SLC8A1: variants seen among roughly 807,000 people sequenced by gnomAD.
SLC8A1 encodes solute carrier family 8 member A1, also known as sodium/calcium exchanger 1.
In SLC8A1, 18 loss-of-function variants were observed where a neutral mutation model predicts 68.3. That is an observed-to-expected ratio of 0.26 (90% CI 0.18 to 0.39). SLC8A1 has a LOEUF of 0.39. Ranked by LOEUF, SLC8A1 falls within the 10% of genes least tolerant of loss-of-function variation. SLC8A1 has a pLI of 1.00. For missense variants in SLC8A1, 985 were observed against 1,156.7 expected (o/e 0.85, Z 2.15); for synonymous variants, 475 against 415.5 (o/e 1.14, Z -1.74).
At chr2:40,284,352 TATAG>T (rs35227947) in intron 2 of SLC8A1, among the ~76,000 whole-genome samples, 30,375 of 146,630 alleles carry the variant, frequency 0.21, 3,440 homozygotes, top group East Asian at 0.38. Context: ...TATAAATATA[TATAG>T]ATATATACAT....
chr2:40,213,530 G>A lies in SLC8A1; in HGVS notation c.1809-35675C>T, dbSNP rs550775527. The A allele has an allele frequency of 3.9e-5, 6 of 152,232 alleles. 1 individual carries two copies. In the South Asian group the frequency reaches 1.2e-3, roughly 32 times the overall value. 9.4% of individuals were successfully genotyped at this position (152,232 alleles called of 1,614,324 possible). ...CATGGATGAATGAATAACCGAAAGG[G>A]GCACCAGCAGTAGCAAAGTACTAAG... is the stretch of plus-strand genomic sequence containing the variant. On this transcript the variant is annotated intron_variant, in intron 2 of 7. Transcript: ENST00000406785.
At chr2:40,378,097 A>G (rs939115327) in intron 2 of SLC8A1, among the ~76,000 whole-genome samples, 4 of 152,146 alleles carry the variant, frequency 2.6e-5, no homozygotes, top group Non-Finnish European at 5.9e-5. Context: ...ATCAGTGAAC[A>G]GAACAGATAA....
chr2:40,431,768 A>C (rs981547857), intron 1 of SLC8A1, among the ~76,000 whole-genome samples: 4 of 152,004 alleles, frequency 2.6e-5, no homozygotes, highest in Non-Finnish European at 5.9e-5. Context: ...GCTGAGAGCC[A>C]CCCCACATTC....
chr2:40,480,079 T>A (rs1704535313), intron 1 of SLC8A1, among the ~76,000 whole-genome samples: 1 of 151,454 alleles, frequency 6.6e-6, no homozygotes, highest in Admixed American at 6.6e-5. Flanking sequence ...ACGTTTATTG[T>A]TTTTTTTTAA....
intron 2 of SLC8A1, among the ~76,000 whole-genome samples, chr2:40,392,803 G>C (rs571868668): frequency 1.8e-4 from 27 of 152,164 alleles, no homozygotes; most frequent in Non-Finnish European, 1.9e-4. Context: ...GAGCAAAGGA[G>C]GGCTTTCAGC....
At chr2:40,449,492 A>G (rs1424254151) in intron 1 of SLC8A1, among the ~76,000 whole-genome samples, 1 of 152,208 alleles carries the variant, frequency 6.6e-6, no homozygotes, top group Non-Finnish European at 1.5e-5. Context: ...AGCTTAACAG[A>G]GCAATTAACA....
chr2:40,287,687 G>C lies in SLC8A1; in HGVS notation c.1809-109832C>G, dbSNP rs2068574137. Among the ~76,000 whole-genome samples the C allele has an allele frequency of 2.0e-5, 3 of 150,982 alleles. No homozygotes were observed. In the South Asian group the frequency reaches 6.4e-4, roughly 32 times the overall value. ...CTGGGAGGACAGGGCCATGAAGGCT[G>C]GAGTGAGGAACAGGGGAGGATGAGG... On this transcript the variant is annotated intron_variant, in intron 2 of 7. Coordinates refer to ENST00000406785, the Ensembl canonical transcript of SLC8A1.
chr2:40,417,870 T>TACACACAC (rs70957174), intron 2 of SLC8A1, among the ~76,000 whole-genome samples: 55 of 147,262 alleles, frequency 3.7e-4, no homozygotes, highest in African/African-American at 1.2e-3. Flanking sequence ...CTTGGATGGA[T>TACACACAC]ACACACACAC....
At chr2:40,109,491 G>A (rs114668675) in exon 8 of SLC8A1, 3 of 152,030 alleles carry the variant, frequency 2.0e-5, no homozygotes, top group Non-Finnish European at 4.4e-5. Flanking sequence ...GATCTGTCCC[G>A]CTCATTTACA....
intron 7 of SLC8A1, among the ~76,000 whole-genome samples, chr2:40,138,626 T>C (rs2040974652): frequency 6.6e-6 from 1 of 152,216 alleles, no homozygotes. Context: ...GCCCTGTCAC[T>C]CCTAGATCTT....
At chr2:40,282,105 A>G (rs72939229) in intron 2 of SLC8A1, among the ~76,000 whole-genome samples, 1,711 of 152,254 alleles carry the variant, frequency 0.011, 35 homozygotes, top group African/African-American at 0.039. Context: ...TTCTAATAAC[A>G]AAATAATGAA....
intron 4 of SLC8A1, among the ~76,000 whole-genome samples, chr2:40,171,617 CTAG>C (rs2047509068): frequency 6.6e-6 from 1 of 152,128 alleles, no homozygotes; most frequent in Non-Finnish European, 1.5e-5. Context: ...TAGAAATAAG[CTAG>C]AGGAGAGGAA....
At chr2:40,315,547 G>A (rs554129982) in intron 2 of SLC8A1, among the ~76,000 whole-genome samples, 3 of 151,154 alleles carry the variant, frequency 2.0e-5, no homozygotes, top group African/African-American at 7.3e-5. Flanking sequence ...GTTTAAAAAG[G>A]GAAAAAGAAC....
At chr2:40,149,368 TA>T (rs2043014235) in intron 6 of SLC8A1, among the ~76,000 whole-genome samples, 1 of 152,144 alleles carries the variant, frequency 6.6e-6, no homozygotes, top group South Asian at 2.1e-4. Context: ...AGTAAACAAA[TA>T]ACAAATATAA....
chr2:40,248,816 T>G (rs2062273722), intron 2 of SLC8A1, among the ~76,000 whole-genome samples: 2 of 152,154 alleles, frequency 1.3e-5, no homozygotes, highest in Non-Finnish European at 2.9e-5. Context: ...CAAGATCTAA[T>G]TCTGATCTTT....
chr2:40,358,814 G>C (rs950953641), intron 2 of SLC8A1, among the ~76,000 whole-genome samples: 18 of 152,158 alleles, frequency 1.2e-4, no homozygotes, highest in Non-Finnish European at 2.6e-4. Context: ...CAACACTAAT[G>C]AATTTACAAT....
chr2:40,416,057 A>G (rs1270873926), intron 2 of SLC8A1, among the ~76,000 whole-genome samples: 1 of 148,820 alleles, frequency 6.7e-6, no homozygotes, highest in East Asian at 2.0e-4. Context: ...TCTGTTTTAA[A>G]AAAAAAAAAA....
At chr2:40,202,182 G>A (rs2054507271) in intron 2 of SLC8A1, among the ~76,000 whole-genome samples, 1 of 151,874 alleles carries the variant, frequency 6.6e-6, no homozygotes, top group South Asian at 2.1e-4. Flanking sequence ...AAGAAGAGTA[G>A]GTCAAAATGT....
At chr2:40,430,036 A>G in exon 2 of SLC8A1, 3 of 1,613,920 alleles carry the variant, frequency 1.9e-6, no homozygotes, top group East Asian at 4.5e-5. Flanking sequence ...CATGGCCACA[A>G]AATACACAGT....
Sources: gnomAD v4.1 joint callset for allele counts (sites outside exome capture counted in the v4.1 genomes callset) on GRCh38, gnomAD v4.1.1 for gene constraint, MANE v1.5 for transcripts, NCBI Gene and HGNC (gene_info 2026-07-23, HGNC 2026-07-21) for gene names.